The following CNN3 variants were observed in gnomAD, a reference collection of about 807,000 sequenced individuals.
CNN3 encodes calponin 3.
In CNN3, 11 loss-of-function variants were observed where a neutral mutation model predicts 39.0. The ratio of observed to expected loss-of-function variants is 0.28; its 90% CI spans 0.18 to 0.47. CNN3 has a LOEUF of 0.47. Among genes scored for constraint, CNN3 ranks in the 20% least tolerant of loss-of-function variants. The probability of loss-of-function intolerance (pLI) is 0.99; values close to 1 mark genes in which losing one functional copy is unlikely to be tolerated. For synonymous variants in CNN3, 101 were observed against 138.3 expected (o/e 0.73, Z 1.89); for missense variants, 266 against 403.4 (o/e 0.66, Z 2.92).
chr1:94,911,210 T>C (rs1671153561), intron 1 of CNN3, among the ~76,000 whole-genome samples: 1 of 152,196 alleles, frequency 6.6e-6, no homozygotes, highest in South Asian at 2.1e-4. Context: ...CTAAGACTCA[T>C]TCCATGGCAC....
chr1:94,916,403 T>C (rs1671280557), intron 1 of CNN3, among the ~76,000 whole-genome samples: 1 of 151,906 alleles, frequency 6.6e-6, no homozygotes, highest in African/African-American at 2.4e-5. Flanking sequence ...GGGAGGGGGA[T>C]TGCAGGGAGT....
At position 94,897,874 on chromosome 1, in the gene CNN3, T is replaced by C. The variant is rs1406848265; in HGVS notation, c.858A>G (p.Gln286=). The part of the protein sequence containing the change: ...PTEPVIHNGS[Q]GTGTNGSEIS... ...TTTCCGAACCATTTGTTCCTGTTCC[T>C]TGGCTTCCGTTGTGAATGACAGGTT... The change falls in exon 7 of 7, where the codon CAA becomes CAG. Residue 286 remains glutamine (Q), a synonymous_variant. Transcript: ENST00000370206. The C allele has an allele frequency of 6.2e-7, 1 of 1,614,062 alleles. No individual in the cohort carries two copies. Among genetic ancestry groups the C allele is most frequent in the African/African-American group, 1.3e-5 (1 of 74,936 alleles).
intron 1 of CNN3, among the ~76,000 whole-genome samples, chr1:94,908,293 C>T (rs966187791): frequency 3.9e-5 from 6 of 152,220 alleles, no homozygotes; most frequent in Admixed American, 6.5e-5. Flanking sequence ...GCTCTGCTCT[C>T]GCTCCTCCGA....
At position 94,919,062 on chromosome 1, in the gene CNN3, G is replaced by A. The variant is rs117726212; in HGVS notation, c.57+7776C>T. On this transcript the variant is annotated intron_variant, in intron 1 of 6. Coordinates refer to ENST00000370206, the MANE Select transcript of CNN3 (RefSeq NM_001839.5). ...GGTGTCACTAAAGAAGAAAAAGAAG[G>A]GGGGGAAGCTCAGAGATGAATAAAC... Among the ~76,000 whole-genome samples, 504 of 152,216 alleles carry A rather than the reference G, an allele frequency of 3.3e-3. 7 individuals are homozygous for A. In the East Asian group the frequency reaches 0.044, roughly 13 times the overall value.
intron 1 of CNN3, chr1:94,925,761 G>A: frequency 1.0e-6 from 1 of 985,442 alleles, no homozygotes; most frequent in Non-Finnish European, 1.2e-6. Flanking sequence ...GGGCTCCCGG[G>A]AGGTTAATGG....
At chr1:94,919,463 GGTA>G (rs1671384270) in intron 1 of CNN3, among the ~76,000 whole-genome samples, 1 of 152,188 alleles carries the variant, frequency 6.6e-6, no homozygotes, top group African/African-American at 2.4e-5. Flanking sequence ...TGCTACACAT[GGTA>G]TTGATTGTTT....
rs12401925 is a variant in CNN3 at position 94,907,687 on chromosome 1, T to A, written c.58-4163A>T. ...CATCCTGGCTAACACGGTGAAACCC[T>A]GTCTCTGCTAAAAATACAAAAAATT... On this transcript the variant is annotated intron_variant, in intron 1 of 6. Coordinates refer to ENST00000370206, the MANE Select transcript of CNN3 (RefSeq NM_001839.5). 4.4e-3 allele frequency among the ~76,000 whole-genome samples: 675 copies of A among 152,168 alleles called. 2 individuals carry two copies. The highest frequency in any genetic ancestry group is 7.7e-3 in the Non-Finnish European group (523 of 68,006).
chr1:94,909,021 C>A (rs1337264326), intron 1 of CNN3, among the ~76,000 whole-genome samples: 1 of 150,932 alleles, frequency 6.6e-6, no homozygotes, highest in Non-Finnish European at 1.5e-5. Flanking sequence ...GTGGCTCATG[C>A]CTGTAATCCT....
At chr1:94,921,646 A>G (rs1329480472) in intron 1 of CNN3, among the ~76,000 whole-genome samples, 1 of 150,670 alleles carries the variant, frequency 6.6e-6, no homozygotes, top group East Asian at 1.9e-4. Flanking sequence ...GATGGTGGGT[A>G]TTAGCGATGT....
At position 94,902,049 on chromosome 1, in the gene CNN3, A is replaced by C. The variant is rs544724567; in HGVS notation, c.384+72T>G. The C allele has an allele frequency of 2.9e-5, 40 of 1,364,178 alleles. No homozygotes were observed. The South Asian group carries it at 4.5e-4, about 15-fold the overall frequency. 84.5% of individuals were successfully genotyped at this position (1,364,178 alleles called of 1,614,324 possible). A position where few individuals can be genotyped will look rare whatever the true frequency, so the allele number is the denominator to read the frequency against. ...GCCCCACCTGGTCTGAACCCCCATGAAAAAGCAATGATGCAATTCATCACC... is the reference window on the plus strand; with the variant it reads ...GCCCCACCTGGTCTGAACCCCCATGCAAAAGCAATGATGCAATTCATCACC... On this transcript the variant is annotated intron_variant, in intron 4 of 6. Coordinates refer to ENST00000370206, the MANE Select transcript of CNN3 (RefSeq NM_001839.5).
chr1:94,914,986 C>T (rs1292041900), intron 1 of CNN3, among the ~76,000 whole-genome samples: 2 of 151,930 alleles, frequency 1.3e-5, no homozygotes, highest in African/African-American at 2.4e-5. Context: ...CAGGCTCAAG[C>T]GATCCTCCCA....
chr1:94,919,374 C>T (rs1326936681), intron 1 of CNN3, among the ~76,000 whole-genome samples: 5 of 152,184 alleles, frequency 3.3e-5, no homozygotes, highest in Non-Finnish European at 7.4e-5. Flanking sequence ...CAATTAGAAG[C>T]AGAATATGAT....
rs1006853142 is a variant in CNN3 at position 94,897,515 on chromosome 1, T to C, written c.*227A>G. On this transcript the variant is annotated 3_prime_UTR_variant, in exon 7 of 7. Coordinates refer to ENST00000370206, the MANE Select transcript of CNN3 (RefSeq NM_001839.5). Reference sequence around the variant, plus strand: ...TCACAGTATTCCTTTTTACTTCATATGCGAGTTATTGATTATGCTGTAGGA... The same window carrying C: ...TCACAGTATTCCTTTTTACTTCATACGCGAGTTATTGATTATGCTGTAGGA... 1.7e-5 allele frequency: 8 copies of C among 484,300 alleles called. No individual in the cohort carries two copies. The highest frequency in any genetic ancestry group is 1.6e-4 in the East Asian group (5 of 31,980). The allele number at this position is 484,300 out of a possible 1,614,324, so 30.0% of individuals were successfully genotyped here. A position where few individuals can be genotyped will look rare whatever the true frequency, so the allele number is the denominator to read the frequency against.
At chr1:94,902,399 C>G (rs1270254296) in intron 3 of CNN3, 141 bp from the exon 4 acceptor site, 3 of 659,796 alleles carry the variant, frequency 4.5e-6, no homozygotes, top group South Asian at 4.0e-5. Context: ...ACATACTAAG[C>G]ATGGCTCTCT....
chr1:94,897,463 A>T lies in CNN3; in HGVS notation c.*279T>A, dbSNP rs1273253224. ...AAATGCATAGATTTTTGCATAAAAG[A>T]ACTGGCTGTACAAGAGTACTCCCCT... is the stretch of plus-strand genomic sequence containing the variant. On this transcript the variant is annotated 3_prime_UTR_variant, in exon 7 of 7. Coordinates refer to ENST00000370206, the MANE Select transcript of CNN3 (RefSeq NM_001839.5). 4 of 297,254 alleles carry T rather than the reference A, an allele frequency of 1.3e-5. No individual in the cohort carries two copies. Among genetic ancestry groups the T allele is most frequent in the Non-Finnish European group, 1.2e-5 (2 of 160,150 alleles). The allele number at this position is 297,254 out of a possible 1,614,324, so 18.4% of individuals were successfully genotyped here. A position where few individuals can be genotyped will look rare whatever the true frequency, so the allele number is the denominator to read the frequency against.
chr1:94,901,491 CCTCTAAAAAATTATCA>C (rs1454816606), intron 5 of CNN3, among the ~76,000 whole-genome samples, 162 bp downstream of exon 5: 1 of 150,638 alleles, frequency 6.6e-6, no homozygotes, highest in Non-Finnish European at 1.5e-5. Flanking sequence ...CCTGAGGTTT[CCTCTAAAAAATTATCA>C]CTGTCTTATG....
chr1:94,921,619 A>G (rs1220212141), intron 1 of CNN3, among the ~76,000 whole-genome samples: 1 of 112,754 alleles, frequency 8.9e-6, no homozygotes, highest in Non-Finnish European at 1.9e-5. Context: ...GGGAAAAAAA[A>G]AGCCTATACC....
At chr1:94,911,460 A>T (rs1013469598) in intron 1 of CNN3, among the ~76,000 whole-genome samples, 1 of 152,240 alleles carries the variant, frequency 6.6e-6, no homozygotes, top group African/African-American at 2.4e-5. Flanking sequence ...ATATACAAAT[A>T]TTGTGAGACT....
chr1:94,909,423 T>C (rs9432408), intron 1 of CNN3, among the ~76,000 whole-genome samples: 9,951 of 152,176 alleles, frequency 0.065, 456 homozygotes, highest in African/African-American at 0.12. Flanking sequence ...AAAACAAGGT[T>C]AAGAAACACT....
Sources: gnomAD v4.1 joint callset for allele counts (sites outside exome capture counted in the v4.1 genomes callset) on GRCh38, gnomAD v4.1.1 for gene constraint, MANE v1.5 for transcripts, NCBI Gene and HGNC (gene_info 2026-07-23, HGNC 2026-07-21) for gene names.